The following MGMT variants were observed in gnomAD, a reference collection of about 807,000 sequenced individuals.
MGMT encodes methylated-DNA--protein-cysteine methyltransferase.
A neutral mutation model predicts 15.9 loss-of-function variants in MGMT; 14 were observed. The observed-to-expected ratio is 0.88, with a 90% CI of 0.58 to 1.37. The LOEUF (loss-of-function observed/expected upper bound fraction) is 1.37. Among genes scored for constraint, MGMT ranks in the 40% most tolerant of loss-of-function variants. The pLI, the probability that MGMT is intolerant of heterozygous loss-of-function variation, is 0.00. For missense variants in MGMT, 282 were observed against 268.1 expected, an observed-to-expected ratio of 1.05 and a Z score of -0.36; for synonymous variants, 130 against 118.2, an observed-to-expected ratio of 1.10 and a Z score of -0.65.
chr10:129,557,433 T>C (rs138734773), intron 2 of MGMT, among the ~76,000 whole-genome samples: 48 of 152,330 alleles, frequency 3.2e-4, no homozygotes, highest in African/African-American at 9.9e-4. Flanking sequence ...TTTTAGGCTC[T>C]TTAACATACT....
chr10:129,692,158 A>G (rs1016153134), intron 2 of MGMT, among the ~76,000 whole-genome samples: 5 of 152,182 alleles, frequency 3.3e-5, no homozygotes, highest in African/African-American at 1.2e-4. Flanking sequence ...TGTAAATAGA[A>G]TTAGCAGAGG....
intron 3 of MGMT, among the ~76,000 whole-genome samples, chr10:129,734,956 G>T (rs995438555): frequency 3.9e-5 from 6 of 152,068 alleles, no homozygotes; most frequent in African/African-American, 1.4e-4. Context: ...TGCTGGATTC[G>T]GTTTGCCAGT....
chr10:129,538,586 C>T (rs764622108), intron 2 of MGMT, among the ~76,000 whole-genome samples: 5 of 152,014 alleles, frequency 3.3e-5, no homozygotes, highest in Non-Finnish European at 5.9e-5. Context: ...GAAGTCTTGG[C>T]CATTCCTATG....
At chr10:129,640,161 G>A (rs117659214) in intron 2 of MGMT, among the ~76,000 whole-genome samples, 3,888 of 149,954 alleles carry the variant, frequency 0.026, 79 homozygotes, top group South Asian at 0.061. Context: ...TCAGAGGCAC[G>A]ATCTTGGCTC....
chr10:129,725,652 C>T (rs973387208), intron 3 of MGMT, among the ~76,000 whole-genome samples: 6 of 152,208 alleles, frequency 3.9e-5, no homozygotes, highest in African/African-American at 7.2e-5. Flanking sequence ...CCCACTTCCT[C>T]GGAGGTCTGT....
At chr10:129,479,473 G>A (rs1210860296) in intron 1 of MGMT, among the ~76,000 whole-genome samples, 1 of 151,940 alleles carries the variant, frequency 6.6e-6, no homozygotes, top group African/African-American at 2.4e-5. Context: ...GACTTGCTGT[G>A]CCAAAGTATT....
intron 4 of MGMT, among the ~76,000 whole-genome samples, chr10:129,766,356 G>T (rs1207491055): frequency 6.6e-6 from 1 of 152,328 alleles, no homozygotes; most frequent in Non-Finnish European, 1.5e-5. Flanking sequence ...GTGCAGGTAC[G>T]GTCTTCTCTG....
Position 129,753,410 on chromosome 10 carries a change from C to T in MGMT, c.275-5792C>T, listed in dbSNP as rs574756946. ...TAGCTATCGTTTATTTGAATTTTTT[C>T]CCGTACTACACTTTTTTTCCTCTTT... On this transcript the variant is annotated intron_variant, in intron 3 of 4. Transcript: ENST00000651593. 2.6e-5 allele frequency among the ~76,000 whole-genome samples: 4 copies of T among 152,192 alleles called. 1 individual carries two copies. The South Asian group carries it at 8.3e-4, about 32-fold the overall frequency.
chr10:129,711,199 G>A (rs1458145907), intron 3 of MGMT, among the ~76,000 whole-genome samples: 2 of 152,194 alleles, frequency 1.3e-5, no homozygotes, highest in African/African-American at 2.4e-5. Flanking sequence ...TCTCTGGAAC[G>A]AACATGCTGT....
rs74622213 is a variant in MGMT at position 129,653,645 on chromosome 10, A to C, written c.126-54250A>C. ...GCACTGGACTGGCCCACCCTATGAG[A>C]TGTCTCAGGCAGCTTGCAAGATTAC... On this transcript the variant is annotated intron_variant, in intron 2 of 4. Coordinates refer to ENST00000651593, the MANE Select transcript of MGMT (RefSeq NM_002412.5). Among the ~76,000 whole-genome samples the C allele has an allele frequency of 4.2e-3, 638 of 152,280 alleles. 5 individuals are homozygous for C. Among genetic ancestry groups the C allele is most frequent in the African/African-American group, 0.015 (605 of 41,552 alleles).
intron 2 of MGMT, among the ~76,000 whole-genome samples, chr10:129,607,094 G>A (rs4751104): frequency 0.41 from 62,000 of 151,982 alleles, 13,310 homozygotes; most frequent in African/African-American, 0.51. Context: ...GGAGGTAGGT[G>A]GAGATGGCTT....
intron 2 of MGMT, among the ~76,000 whole-genome samples, chr10:129,607,512 G>A (rs1018404768): frequency 4.6e-5 from 7 of 152,176 alleles, no homozygotes; most frequent in Non-Finnish European, 1.0e-4. Context: ...TAACTTGTGT[G>A]TAATTTCTTT....
chr10:129,657,674 A>AACACACAC (rs60284981), intron 2 of MGMT, among the ~76,000 whole-genome samples: 1,068 of 93,490 alleles, frequency 0.011, 26 homozygotes, highest in African/African-American at 0.032. Flanking sequence ...CAGCTCCTCC[A>AACACACAC]ACACACACAC....
chr10:129,609,171 G>A (rs913218138), intron 2 of MGMT, among the ~76,000 whole-genome samples: 1 of 152,186 alleles, frequency 6.6e-6, no homozygotes, highest in East Asian at 1.9e-4. Flanking sequence ...AGTGGGGGCT[G>A]TAGCACAGGA....
At chr10:129,560,954 A>AGTGTGTGTGT (rs57984603) in intron 2 of MGMT, among the ~76,000 whole-genome samples, 3,952 of 133,152 alleles carry the variant, frequency 0.03, 88 homozygotes, top group Admixed American at 0.053. Flanking sequence ...AGTAAAGAGC[A>AGTGTGTGTGT]GTGTGTGTGT....
chr10:129,767,366 T>C lies in MGMT; in HGVS notation c.*369T>C. ...AAGGCCCATCCCAGGCCGTCCACAC[T>C]AGAAAGCTGGCCCTGCCCCATCCCC... is the stretch of plus-strand genomic sequence containing the variant. On this transcript the variant is annotated 3_prime_UTR_variant, in exon 5 of 5. Coordinates refer to ENST00000651593, the MANE Select transcript of MGMT (RefSeq NM_002412.5). The C allele has an allele frequency of 6.0e-6, 1 of 167,492 alleles. No homozygotes were observed. The allele number at this position is 167,492 out of a possible 1,614,324, so 10.4% of individuals were successfully genotyped here. A position where few individuals can be genotyped will look rare whatever the true frequency, so the allele number is the denominator to read the frequency against.
chr10:129,681,133 G>A (rs61734429), intron 2 of MGMT, among the ~76,000 whole-genome samples: 81 of 152,284 alleles, frequency 5.3e-4, no homozygotes, highest in African/African-American at 1.9e-3. Flanking sequence ...CCATGCAGGC[G>A]GCGTTGTCGT....
intron 2 of MGMT, among the ~76,000 whole-genome samples, chr10:129,652,428 C>T (rs1019776529): frequency 1.3e-5 from 2 of 152,166 alleles, no homozygotes; most frequent in African/African-American, 2.4e-5. Flanking sequence ...GGGAGGGGCA[C>T]GTTTCTGACC....
chr10:129,544,563 G>C (rs2119775786), intron 2 of MGMT, among the ~76,000 whole-genome samples: 1 of 152,326 alleles, frequency 6.6e-6, no homozygotes, highest in Non-Finnish European at 1.5e-5. Flanking sequence ...CGATGGCCCT[G>C]GTGCCCTGTG....
Sources: gnomAD v4.1 joint callset for allele counts (sites outside exome capture counted in the v4.1 genomes callset) on GRCh38, gnomAD v4.1.1 for gene constraint, MANE v1.5 for transcripts, NCBI Gene and HGNC (gene_info 2026-07-23, HGNC 2026-07-21) for gene names.